Variants in ABR observed in about 807,000 individuals in gnomAD.
ABR encodes the protein ABR activator of RhoGEF and GTPase, also known as active breakpoint cluster region-related protein.
ABR carries 35 observed loss-of-function variants against 107.2 expected under a neutral mutation model. The observed-to-expected ratio is 0.33, with a 90% confidence interval of 0.25 to 0.43. The LOEUF is 0.43. Among genes scored for constraint, ABR ranks in the 20% least tolerant of loss-of-function variants. The pLI is 1.00. For synonymous variants in ABR, 498 were observed against 462.0 expected (o/e 1.08, Z -1.00); for missense variants, 815 against 1,115.2 (o/e 0.73, Z 3.83).
intron 16 of ABR, among the ~76,000 whole-genome samples, chr17:1,013,637 G>A (rs2070854815): frequency 6.6e-6 from 1 of 152,222 alleles, no homozygotes; most frequent in African/African-American, 2.4e-5. Context: ...AGAGTCAGGA[G>A]CCCGCGCACA....
rs1184437206 is a variant in ABR at position 1,179,524 on chromosome 17, C to T, written c.61+143G>A. The T allele has an allele frequency of 2.3e-6, 2 of 880,496 alleles. No homozygotes were observed. Among genetic ancestry groups the T allele is most frequent in the Admixed American group, 4.1e-5 (1 of 24,474 alleles). 54.5% of individuals were successfully genotyped at this position (880,496 alleles called of 1,614,324 possible). A position where few individuals can be genotyped will look rare whatever the true frequency, so the allele number is the denominator to read the frequency against. On this transcript the variant is annotated intron_variant, in intron 1 of 22. Transcript: ENST00000302538. This position sits in a 1 kb window ranked among gnomAD's most constrained non-coding sequence, Gnocchi z 4.9. ...GACCCCGATCCGGACCCCGATCTCGCCCCCGCCCGCGCTCCCCGGACCAGC... is the reference window on the plus strand; with the variant it reads ...GACCCCGATCCGGACCCCGATCTCGTCCCCGCCCGCGCTCCCCGGACCAGC...
At chr17:1,225,855 A>T (rs947285226) in intron 1 of ABR, among the ~76,000 whole-genome samples, 1 of 152,186 alleles carries the variant, frequency 6.6e-6, no homozygotes, top group East Asian at 1.9e-4. Flanking sequence ...CAGGCTCAGA[A>T]AAGTCAAATA....
chr17:1,227,733 C>A (rs868727328), intron 1 of ABR, among the ~76,000 whole-genome samples: 1 of 152,092 alleles, frequency 6.6e-6, no homozygotes, highest in Non-Finnish European at 1.5e-5. Context: ...CTGCTTTCCG[C>A]GTGGCTGAGG....
intron 1 of ABR, among the ~76,000 whole-genome samples, chr17:1,128,466 T>C (rs937619466): frequency 2.0e-5 from 3 of 152,244 alleles, no homozygotes; most frequent in Admixed American, 6.5e-5. Context: ...ACCCAGCAGC[T>C]AGTTCAAAGA....
Position 1,179,576 on chromosome 17 carries a change from T to C in ABR, c.61+91A>G, listed in dbSNP as rs1164474498. On this transcript the variant is annotated intron_variant, in intron 1 of 22. Transcript: ENST00000302538. This position sits in a 1 kb window ranked among gnomAD's most constrained non-coding sequence, Gnocchi z 4.9. ...CGGTGCCTGGGTCCCGATCCCGATC[T>C]TGGGGTCCCGATCCCGATCCTGGGG... 2.4e-5 allele frequency: 31 copies of C among 1,304,266 alleles called. No individual in the cohort carries two copies. Among genetic ancestry groups the C allele is most frequent in the Non-Finnish European group, 2.8e-5 (28 of 996,360 alleles). 80.8% of individuals were successfully genotyped at this position (1,304,266 alleles called of 1,614,324 possible).
chr17:1,210,125 G>T lies in ABR; in HGVS notation c.838+18668C>A, dbSNP rs535054797. Among the ~76,000 whole-genome samples, 133 of 152,342 alleles carry T rather than the reference G, an allele frequency of 8.7e-4. No individual in the cohort carries two copies. The Middle Eastern group carries it at 0.01, about 12-fold the overall frequency. ...GATCTCTTAGAGAGACAGGGAGAAA[G>T]TAGAGGTAGAAAGTAACAGAATCTA... On this transcript the variant is annotated intron_variant, in intron 1 of 22. Coordinates refer to the ABR transcript ENST00000574139. This position sits in a 1 kb window ranked among gnomAD's most constrained non-coding sequence, Gnocchi z 5.6.
At chr17:1,061,271 C>T (rs892173912) in intron 10 of ABR, among the ~76,000 whole-genome samples, 5 of 147,278 alleles carry the variant, frequency 3.4e-5, no homozygotes, top group African/African-American at 5.0e-5. Context: ...CTCCCAGGGG[C>T]GGGTGGGAAA....
chr17:1,100,335 G>A (rs1437192072), intron 3 of ABR, among the ~76,000 whole-genome samples: 3 of 152,200 alleles, frequency 2.0e-5, no homozygotes, highest in African/African-American at 7.2e-5. Context: ...GGCAGGCAGA[G>A]CACCATGATG....
intron 1 of ABR, among the ~76,000 whole-genome samples, chr17:1,135,875 CA>C (rs35378180): frequency 0.44 from 67,218 of 151,052 alleles, 15,302 homozygotes; most frequent in East Asian, 0.56. Context: ...GGCTCTGTCT[CA>C]AAAAAAATAA....
rs867267679 is a variant in ABR at position 1,027,727 on chromosome 17, G to A, written c.1792-14563C>T. On this transcript the variant is annotated intron_variant, in intron 16 of 22. Coordinates refer to ENST00000302538, the MANE Select transcript of ABR (RefSeq NM_021962.5). The surrounding 1 kb of genome is among the most constrained non-coding windows in gnomAD (Gnocchi z 4.7). ...GAGGCAGCACTGTAGTCCCCTGTCT[G>A]TGGCTGAGGGGTCGCTATGGGGGTG... is the stretch of plus-strand genomic sequence containing the variant. Among the ~76,000 whole-genome samples, 10 of 152,056 alleles carry A rather than the reference G, an allele frequency of 6.6e-5. No individual in the cohort carries two copies. Among genetic ancestry groups the A allele is most frequent in the Non-Finnish European group, 1.0e-4 (7 of 68,000 alleles).
chr17:1,061,041 G>A (rs1255073021), intron 10 of ABR, among the ~76,000 whole-genome samples: 6 of 152,134 alleles, frequency 3.9e-5, no homozygotes, highest in African/African-American at 1.4e-4. Flanking sequence ...CTTCTTCTGT[G>A]ACTCAGAGGA....
chr17:1,020,528 A>G (rs1034068228), intron 16 of ABR, among the ~76,000 whole-genome samples: 2 of 152,196 alleles, frequency 1.3e-5, no homozygotes, highest in Admixed American at 1.3e-4. Context: ...AGGCAGGGGC[A>G]CCGGGTTGAA....
At chr17:1,086,777 G>A (rs546959383) in intron 4 of ABR, among the ~76,000 whole-genome samples, 8 of 152,122 alleles carry the variant, frequency 5.3e-5, no homozygotes, top group Admixed American at 1.3e-4. Context: ...CTGGGATTAC[G>A]GGCGTGAGCC....
Position 1,058,737 on chromosome 17 carries a change from A to G in ABR, c.1305+8T>C. The G allele has an allele frequency of 6.2e-7, 1 of 1,613,470 alleles. No individual in the cohort carries two copies. Among genetic ancestry groups the G allele is most frequent in the Non-Finnish European group, 8.5e-7 (1 of 1,179,712 alleles). Reference sequence around the variant, plus strand: ...GGCTGTCTTGGTCCCACCCCCACCCATCCTGACCTTTCCATTCCGATTGTG... The same window carrying G: ...GGCTGTCTTGGTCCCACCCCCACCCGTCCTGACCTTTCCATTCCGATTGTG... On this transcript the variant is annotated splice_region_variant and intron_variant, in intron 11 of 22. Transcript: ENST00000302538.
At chr17:1,062,786 C>G (rs75766328) in intron 10 of ABR, among the ~76,000 whole-genome samples, 71 of 143,774 alleles carry the variant, frequency 4.9e-4, no homozygotes, top group African/African-American at 1.7e-3. Flanking sequence ...TTCCTCTAGA[C>G]GCTGTTGTTA....
chr17:1,038,580 A>T (rs1230964839), intron 16 of ABR, among the ~76,000 whole-genome samples: 1 of 152,150 alleles, frequency 6.6e-6, no homozygotes, highest in South Asian at 2.1e-4. Context: ...CGGTGTGCCC[A>T]TCCCTCCCTG....
At chr17:1,170,769 A>G (rs1332312161) in intron 1 of ABR, among the ~76,000 whole-genome samples, 3 of 151,922 alleles carry the variant, frequency 2.0e-5, no homozygotes, top group African/African-American at 7.2e-5. Context: ...CAAATTAAAA[A>G]CTAGTTTCTA....
At chr17:1,086,548 C>T (rs954391061) in intron 4 of ABR, among the ~76,000 whole-genome samples, 7 of 151,400 alleles carry the variant, frequency 4.6e-5, no homozygotes, top group African/African-American at 9.7e-5. Context: ...TCAACCAGGC[C>T]GGAGTGCACT....
rs900924227 is a variant in ABR at position 1,084,075 on chromosome 17, G to A, written c.532-448C>T. On this transcript the variant is annotated intron_variant, in intron 4 of 22. Transcript: ENST00000302538. This position sits in a 1 kb window ranked among gnomAD's most constrained non-coding sequence, Gnocchi z 4.2. ...GGCCTGCTCAGGCCTCCCTCCCCAC[G>A]TGCAGCGTGGGGAACGACATTTAAA... is the stretch of plus-strand genomic sequence containing the variant. Among the ~76,000 whole-genome samples the A allele has an allele frequency of 9.2e-5, 14 of 152,194 alleles. No individual in the cohort carries two copies. The highest frequency in any genetic ancestry group is 4.1e-4 in the South Asian group (2 of 4,832).
Sources: gnomAD v4.1 joint callset for allele counts (sites outside exome capture counted in the v4.1 genomes callset) on GRCh38, gnomAD v4.1.1 for gene constraint, Gnocchi (gnomAD v3.1) non-coding constraint, MANE v1.5 for transcripts, NCBI Gene and HGNC (gene_info 2026-07-23, HGNC 2026-07-21) for gene names.